CLCN1: variants seen among roughly 807,000 people sequenced by gnomAD.
CLCN1 encodes chloride channel protein 1.
A neutral mutation model predicts 114.5 loss-of-function variants in CLCN1; 100 were observed. The observed-to-expected ratio is 0.87, with a 90% CI of 0.74 to 1.03. CLCN1 has a LOEUF of 1.03. Ranked by LOEUF, CLCN1 falls within the 50% of genes least tolerant of loss-of-function variation. The pLI is 0.00. For synonymous variants in CLCN1, 485 were observed against 487.1 expected (o/e 1.00, Z 0.06); for missense variants, 1,188 against 1,250.0 (o/e 0.95, Z 0.75).
intron 14 of CLCN1, among the ~76,000 whole-genome samples, chr7:143,341,571 TTAATAATAATAA>T (rs5888095): frequency 7.5e-5 from 11 of 146,378 alleles, no homozygotes; most frequent in South Asian, 4.3e-4. Context: ...ATAATAATAA[TTAATAATAATAA>T]TAATAATAAT....
intron 1 of CLCN1, among the ~76,000 whole-genome samples, chr7:143,318,160 T>C (rs566484505): frequency 6.6e-6 from 1 of 152,196 alleles, no homozygotes; most frequent in South Asian, 2.1e-4. Flanking sequence ...GTTCCATCTA[T>C]TCTTCCCTTC....
rs1020430200 is a variant in CLCN1, at chr7:143,324,269, G to A, written c.775-145G>A. ...ACTCACTGAGTTTCTCTTGGCCTGG[G>A]AATCACAGGGGACATGGGACCACAA... On this transcript the variant is annotated intron_variant, in intron 6 of 22. Coordinates refer to ENST00000343257, the MANE Select transcript of CLCN1 (RefSeq NM_000083.3). This position sits in a 1 kb window ranked among gnomAD's most constrained non-coding sequence, Gnocchi z 4.6. 22 of 718,414 alleles carry A rather than the reference G, an allele frequency of 3.1e-5. No individual in the cohort carries two copies. Among genetic ancestry groups the A allele is most frequent in the Admixed American group, 1.0e-4 (5 of 50,062 alleles). The allele number at this position is 718,414 out of a possible 1,614,324, so 44.5% of individuals were successfully genotyped here.
At chr7:143,328,264 A>G (rs1802627335) in intron 7 of CLCN1, among the ~76,000 whole-genome samples, 1 of 152,024 alleles carries the variant, frequency 6.6e-6, no homozygotes. Flanking sequence ...TGAAATTGAG[A>G]GAGAAAGTGT....
At chr7:143,323,701 G>A (rs1160111220) in intron 6 of CLCN1, 17 of 535,100 alleles carry the variant, frequency 3.2e-5, no homozygotes, top group Non-Finnish European at 5.2e-5. Flanking sequence ...TTCCCTCCAC[G>A]TTTCCCTCGT....
chr7:143,337,045 T>C (rs759384390), intron 12 of CLCN1, among the ~76,000 whole-genome samples: 11 of 152,236 alleles, frequency 7.2e-5, no homozygotes, highest in Non-Finnish European at 1.0e-4. Context: ...CAAGTGCCTA[T>C]AGCCCTATCT....
intron 7 of CLCN1, among the ~76,000 whole-genome samples, chr7:143,330,145 T>C: frequency 6.6e-6 from 1 of 152,322 alleles, no homozygotes; most frequent in Admixed American, 6.5e-5. Context: ...GTCGGGTTTT[T>C]AGTATTAGTT....
Position 143,316,218 on chromosome 7 carries a change from GCAATCC to G in CLCN1, c.8_13del (p.Gln3_Ser4del), listed in dbSNP as rs748679335. ...GGGGCTCGGGGGGAGGGAATATGGA[GCAATCC>G]CGGTCACAGCAGCGTGGGGGTGAAC... On this transcript the variant is annotated inframe_deletion, in exon 1 of 23. Transcript: ENST00000343257. 6.2e-7 allele frequency: 1 copy of G among 1,612,564 alleles called. No individual in the cohort carries two copies. The highest frequency in any genetic ancestry group is 8.5e-7 in the Non-Finnish European group (1 of 1,179,184).
Position 143,340,307 on chromosome 7 carries a change from A to G in CLCN1, c.1582+686A>G, listed in dbSNP as rs569599499. ...TTCTTTCTAAAAGCCTCTTTCATCA[A>G]TGAGGGTCATAGACTCTTGTTCTCC... On this transcript the variant is annotated intron_variant, in intron 14 of 22. Coordinates refer to ENST00000343257, the MANE Select transcript of CLCN1 (RefSeq NM_000083.3). Among the ~76,000 whole-genome samples, 4 of 152,240 alleles carry G rather than the reference A, an allele frequency of 2.6e-5. No homozygotes were observed. In the East Asian group the frequency reaches 7.7e-4, roughly 29 times the overall value.
At position 143,332,854 on chromosome 7, in the gene CLCN1, T is replaced by C. The variant is rs549883097; in HGVS notation, c.1382T>C (p.Phe461Ser). The C allele has an allele frequency of 6.2e-7, 1 of 1,614,212 alleles. No homozygotes were observed. The highest frequency in any genetic ancestry group is 1.3e-5 in the African/African-American group (1 of 75,054). The change falls in exon 12 of 23, where the codon TTT becomes TCT. Residue 461 changes from phenylalanine to serine, a missense_variant. By Grantham distance (155) the Phe-to-Ser change is radical. Transcript: ENST00000343257. The part of the protein sequence containing the change: ...HPRVNVVIII[F>S]LFFVMKFWMS... ...CGGGTCAACGTTGTCATCATCATCT[T>C]TCTCTTCTTCGTCATGAAGGTACTG...
intron 7 of CLCN1, among the ~76,000 whole-genome samples, chr7:143,328,953 A>C (rs1802647428): frequency 6.9e-6 from 1 of 145,954 alleles, no homozygotes; most frequent in Admixed American, 7.3e-5. Flanking sequence ...CTGGTTTTCA[A>C]GGAATTTTCT....
intron 5 of CLCN1, among the ~76,000 whole-genome samples, chr7:143,322,669 C>T (rs1169211058): frequency 5.9e-5 from 9 of 152,216 alleles, no homozygotes; most frequent in African/African-American, 1.4e-4. Context: ...ACTGCAGGCA[C>T]ACGCCACCAC....
intron 7 of CLCN1, among the ~76,000 whole-genome samples, chr7:143,326,274 T>TCCC (rs887648512): frequency 6.6e-6 from 1 of 151,812 alleles, no homozygotes; most frequent in Non-Finnish European, 1.5e-5. Context: ...CACCTTGGCC[T>TCCC]ATTACTTGAT....
intron 12 of CLCN1, among the ~76,000 whole-genome samples, chr7:143,335,508 A>G (rs1280109967): frequency 6.6e-6 from 1 of 152,206 alleles, no homozygotes; most frequent in African/African-American, 2.4e-5. Context: ...CACAATAACC[A>G]TACTCTTATT....
At chr7:143,348,852 G>A (rs899985591) in intron 20 of CLCN1, among the ~76,000 whole-genome samples, 1 of 152,136 alleles carries the variant, frequency 6.6e-6, no homozygotes, top group Non-Finnish European at 1.5e-5. Context: ...GCAAAAGCTG[G>A]AGATGTACCT....
chr7:143,317,783 G>A (rs990384677), intron 1 of CLCN1, among the ~76,000 whole-genome samples: 4 of 152,092 alleles, frequency 2.6e-5, no homozygotes, highest in Non-Finnish European at 4.4e-5. Flanking sequence ...GGCTGGAATC[G>A]AGCATTGGGA....
chr7:143,331,182 T>C (rs1640581895), intron 8 of CLCN1, 50 bp from the exon 9 acceptor site: 3 of 1,339,362 alleles, frequency 2.2e-6, no homozygotes, highest in Non-Finnish European at 3.2e-6. Context: ...TGTTTCCCTG[T>C]TGGGTTTCTA....
In CLCN1 at chr7:143,329,036, C is replaced by T. The variant is rs1225409244; in HGVS notation, c.854-1736C>T. On this transcript the variant is annotated intron_variant, in intron 7 of 22. Transcript: ENST00000343257. The stretch of plus-strand genomic sequence containing the variant: ...AGGCTGGAGTATAGAGGTGCGATCT[C>T]GGCTCACTGCAACCTGCGTCTCCCG... Among the ~76,000 whole-genome samples the T allele has an allele frequency of 3.3e-5, 5 of 149,942 alleles. No individual in the cohort carries two copies. In the South Asian group the frequency reaches 6.4e-4, roughly 19 times the overall value.
intron 12 of CLCN1, among the ~76,000 whole-genome samples, chr7:143,334,748 A>G (rs1255847916): frequency 6.6e-6 from 1 of 152,182 alleles, no homozygotes; most frequent in Non-Finnish European, 1.5e-5. Flanking sequence ...ATTCCACTTT[A>G]GGTGGTTTAG....
intron 7 of CLCN1, 58 bp from the exon 8 acceptor site, chr7:143,330,714 G>C (rs1285308691): frequency 6.2e-7 from 1 of 1,611,774 alleles, no homozygotes; most frequent in Non-Finnish European, 8.5e-7. Flanking sequence ...GCAGTGGGGA[G>C]TGTGGGGGAG....
Sources: gnomAD v4.1 joint callset for allele counts (sites outside exome capture counted in the v4.1 genomes callset) on GRCh38, gnomAD v4.1.1 for gene constraint, Gnocchi (gnomAD v3.1) non-coding constraint, MANE v1.5 for transcripts, NCBI Gene and HGNC (gene_info 2026-07-23, HGNC 2026-07-21) for gene names.